KDSR: variants seen among roughly 807,000 people sequenced by gnomAD.
The protein encoded by KDSR is 3-dehydrosphinganine reductase.
In KDSR, 23 loss-of-function variants were observed where a neutral mutation model predicts 41.3. The ratio of observed to expected loss-of-function variants is 0.56; its 90% CI spans 0.40 to 0.79. The LOEUF is 0.79. Ranked by LOEUF, KDSR falls within the 30% of genes least tolerant of loss-of-function variation. The pLI, the probability that KDSR is intolerant of heterozygous loss-of-function variation, is 0.00. For synonymous variants in KDSR, 138 were observed against 151.7 expected, an observed-to-expected ratio of 0.91 and a Z score of 0.66; for missense variants, 351 against 416.8, an observed-to-expected ratio of 0.84 and a Z score of 1.37.
chr18:63,363,205 TTC>T (rs1915040125), intron 1 of KDSR, among the ~76,000 whole-genome samples: 1 of 135,038 alleles, frequency 7.4e-6, no homozygotes, highest in Non-Finnish European at 1.6e-5. Flanking sequence ...GAATCTTATT[TTC>T]TTTTTTTTTT....
chr18:63,359,943 G>C, intron 2 of KDSR, 151 bp from the exon 3 acceptor site: 1 of 621,534 alleles, frequency 1.6e-6, no homozygotes. Context: ...AGACAGACTG[G>C]GCCACAGCCT....
At chr18:63,354,426 G>C (rs577476367) in intron 5 of KDSR, among the ~76,000 whole-genome samples, 2 of 152,340 alleles carry the variant, frequency 1.3e-5, no homozygotes, top group African/African-American at 4.8e-5. Context: ...CCAGCACTTT[G>C]GGAGGTAGAG....
intron 8 of KDSR, among the ~76,000 whole-genome samples, chr18:63,336,298 G>A (rs142894907): frequency 3.9e-5 from 6 of 152,260 alleles, no homozygotes; most frequent in African/African-American, 1.4e-4. Context: ...CAAAAGTGCT[G>A]GGATTACAGG....
In KDSR at chr18:63,331,684, A is replaced by C; in HGVS notation, c.*98T>G. On this transcript the variant is annotated 3_prime_UTR_variant, in exon 10 of 10. Coordinates refer to ENST00000645214, the MANE Select transcript of KDSR (RefSeq NM_002035.4). The stretch of plus-strand genomic sequence containing the variant: ...ACTGGTCCAATCTGACGTATTCGAA[A>C]ACAATACATAAGTGTCTATAGGCCA... The C allele has an allele frequency of 8.2e-7, 1 of 1,216,450 alleles. No individual in the cohort carries two copies. The highest frequency in any genetic ancestry group is 1.2e-6 in the Non-Finnish European group (1 of 862,642). 75.4% of individuals were successfully genotyped at this position (1,216,450 alleles called of 1,614,324 possible). A position where few individuals can be genotyped will look rare whatever the true frequency, so the allele number is the denominator to read the frequency against.
At chr18:63,358,719 G>A (rs917135168) in intron 3 of KDSR, among the ~76,000 whole-genome samples, 3 of 148,808 alleles carry the variant, frequency 2.0e-5, no homozygotes, top group African/African-American at 7.4e-5. Flanking sequence ...GGAGGCTGAG[G>A]CAGGAGAATC....
chr18:63,349,479 T>C (rs1914602768), intron 6 of KDSR, among the ~76,000 whole-genome samples: 1 of 152,272 alleles, frequency 6.6e-6, no homozygotes, highest in Admixed American at 6.5e-5. Context: ...TATTCTTGTT[T>C]GAAATTTCAC....
intron 3 of KDSR, among the ~76,000 whole-genome samples, chr18:63,359,199 A>AAG (rs1914892234): frequency 6.6e-6 from 1 of 150,446 alleles, no homozygotes; most frequent in South Asian, 2.1e-4. Context: ...AAAAAAAAAA[A>AAG]AAGGAAAGAA....
At chr18:63,340,414 G>C (rs1017536983) in intron 7 of KDSR, among the ~76,000 whole-genome samples, 1 of 152,180 alleles carries the variant, frequency 6.6e-6, no homozygotes, top group Non-Finnish European at 1.5e-5. Context: ...ACAGTCTAGG[G>C]AGTTTAAGTG....
intron 9 of KDSR, among the ~76,000 whole-genome samples, chr18:63,333,425 G>A (rs1008716390): frequency 3.3e-5 from 5 of 152,210 alleles, no homozygotes; most frequent in Non-Finnish European, 7.3e-5. Context: ...TGGTATCAAG[G>A]AGTCATTGAA....
chr18:63,353,356 T>C (rs138951232), intron 5 of KDSR, among the ~76,000 whole-genome samples: 8 of 152,246 alleles, frequency 5.3e-5, no homozygotes, highest in African/African-American at 1.7e-4. Context: ...AATAACCTTT[T>C]GGAAGCTGAA....
rs1186864709 is a variant in KDSR at position 63,362,922 on chromosome 18, A to ATT, written c.109-55_109-54insAA. 3.1e-5 allele frequency: 39 copies of ATT among 1,238,988 alleles called. No individual in the cohort carries two copies. In the Admixed American group the frequency reaches 5.8e-4, roughly 18 times the overall value. The allele number at this position is 1,238,988 out of a possible 1,614,324, so 76.7% of individuals were successfully genotyped here. Reference sequence around the variant, plus strand: ...CACTTGAAATCTCCCCTCTGTAGGAAGTTTTTATAAAAAACAACTATGACA... The same window carrying ATT: ...CACTTGAAATCTCCCCTCTGTAGGAATTGTTTTTATAAAAAACAACTATGACA... On this transcript the variant is annotated intron_variant, in intron 1 of 9. Coordinates refer to ENST00000645214, the MANE Select transcript of KDSR (RefSeq NM_002035.4).
intron 5 of KDSR, among the ~76,000 whole-genome samples, chr18:63,351,705 T>G (rs1914666930): frequency 6.6e-6 from 1 of 152,210 alleles, no homozygotes; most frequent in Non-Finnish European, 1.5e-5. Context: ...CCCATTATGA[T>G]GGGTAAGAGT....
At chr18:63,337,276 C>T (rs1352485560) in intron 8 of KDSR, among the ~76,000 whole-genome samples, 5 of 151,796 alleles carry the variant, frequency 3.3e-5, no homozygotes, top group Admixed American at 1.3e-4. Flanking sequence ...TCACCACACC[C>T]GACTAATTTT....
intron 5 of KDSR, among the ~76,000 whole-genome samples, chr18:63,352,250 A>T (rs1378519644): frequency 6.6e-6 from 1 of 152,186 alleles, no homozygotes; most frequent in Non-Finnish European, 1.5e-5. Context: ...TCATATTATG[A>T]ACAGAACATG....
chr18:63,333,628 C>T (rs1914077627), intron 9 of KDSR, among the ~76,000 whole-genome samples: 1 of 152,150 alleles, frequency 6.6e-6, no homozygotes, highest in South Asian at 2.1e-4. Flanking sequence ...AGACTCTGTG[C>T]AGCTAAACCT....
At chr18:63,344,643 G>A (rs1438829610) in intron 6 of KDSR, 150 bp from the exon 7 acceptor site, 1 of 550,388 alleles carries the variant, frequency 1.8e-6, no homozygotes, top group African/African-American at 1.9e-5. Context: ...ATTGCATTGA[G>A]AAACCCCTCT....
intron 2 of KDSR, among the ~76,000 whole-genome samples, chr18:63,362,380 A>G (rs930353854): frequency 6.6e-6 from 1 of 152,248 alleles, no homozygotes; most frequent in Admixed American, 6.5e-5. Flanking sequence ...AGCAAATCGT[A>G]GTGAAAAATT....
Position 63,329,918 on chromosome 18 carries a change from C to T in KDSR, c.*1864G>A, listed in dbSNP as rs1031608811. 1 of 191,354 alleles carries T rather than the reference C, an allele frequency of 5.2e-6. No individual in the cohort carries two copies. The highest frequency in any genetic ancestry group is 1.9e-4 in the South Asian group (1 of 5,162). 11.9% of individuals were successfully genotyped at this position (191,354 alleles called of 1,614,324 possible). On this transcript the variant is annotated 3_prime_UTR_variant, in exon 10 of 10. Coordinates refer to ENST00000645214, the MANE Select transcript of KDSR (RefSeq NM_002035.4). ...ATTTTAGCAGCTGCACAACGCAACT[C>T]GATATAATCTGCAAACTTTGGCTCT...
chr18:63,348,080 A>G (rs1036767890), intron 6 of KDSR, among the ~76,000 whole-genome samples: 1 of 152,088 alleles, frequency 6.6e-6, no homozygotes, highest in Non-Finnish European at 1.5e-5. Context: ...TGAGTCCAGG[A>G]GATCAAGACC....
Sources: gnomAD v4.1 joint callset for allele counts (sites outside exome capture counted in the v4.1 genomes callset) on GRCh38, gnomAD v4.1.1 for gene constraint, MANE v1.5 for transcripts, NCBI Gene and HGNC (gene_info 2026-07-23, HGNC 2026-07-21) for gene names.